Variants in FCHSD2 observed in about 807,000 individuals in gnomAD.
The protein encoded by FCHSD2 is FCH and double SH3 domains 2, also known as F-BAR and double SH3 domains protein 2.
In FCHSD2, 38 loss-of-function variants were observed where a neutral mutation model predicts 108.1. The observed-to-expected ratio is 0.35, with a 90% CI of 0.27 to 0.46. FCHSD2 has a LOEUF of 0.46. FCHSD2 is among the 20% of genes least tolerant of loss of function. The pLI, the probability that FCHSD2 is intolerant of heterozygous loss-of-function variation, is 1.00. For missense variants in FCHSD2, 751 were observed against 897.8 expected (o/e 0.84, Z 2.09); for synonymous variants, 279 against 314.7 (o/e 0.89, Z 1.20).
intron 12 of FCHSD2, among the ~76,000 whole-genome samples, chr11:72,872,497 A>G (rs1036128804): frequency 3.9e-5 from 6 of 152,144 alleles, no homozygotes; most frequent in Non-Finnish European, 7.4e-5. Flanking sequence ...CTTTCTGTCT[A>G]TAAAGATTTG....
chr11:72,987,138 T>C (rs1242029577), intron 6 of FCHSD2, among the ~76,000 whole-genome samples: 1 of 152,180 alleles, frequency 6.6e-6, no homozygotes, highest in Admixed American at 6.5e-5. Context: ...CTTCCTTCTA[T>C]GGTCTCTCCT....
intron 8 of FCHSD2, among the ~76,000 whole-genome samples, chr11:72,967,800 G>C (rs960150192): frequency 6.6e-6 from 1 of 152,000 alleles, no homozygotes; most frequent in Non-Finnish European, 1.5e-5. Context: ...AAAAAGAAGT[G>C]GGCAGAGAGG....
intron 2 of FCHSD2, among the ~76,000 whole-genome samples, chr11:73,099,807 C>A (rs1034477728): frequency 1.3e-5 from 2 of 152,112 alleles, no homozygotes; most frequent in African/African-American, 4.8e-5. Flanking sequence ...AGAAAGAGTG[C>A]GAAGGGAAGC....
At chr11:72,969,880 C>A (rs1293011494) in intron 8 of FCHSD2, among the ~76,000 whole-genome samples, 1 of 152,182 alleles carries the variant, frequency 6.6e-6, no homozygotes, top group African/African-American at 2.4e-5. Flanking sequence ...CAAATACACA[C>A]AAGTGAGACC....
chr11:73,031,512 A>G (rs1858360535), intron 3 of FCHSD2, among the ~76,000 whole-genome samples: 1 of 152,144 alleles, frequency 6.6e-6, no homozygotes, highest in South Asian at 2.1e-4. Context: ...AGCAGTGGTT[A>G]CCAGGAACGG....
At chr11:73,048,090 G>A (rs1249374837) in intron 3 of FCHSD2, among the ~76,000 whole-genome samples, 2 of 151,846 alleles carry the variant, frequency 1.3e-5, no homozygotes, top group African/African-American at 2.4e-5. Flanking sequence ...AATACAGGAG[G>A]AACAAGAAAA....
intron 8 of FCHSD2, among the ~76,000 whole-genome samples, chr11:72,947,526 A>G (rs1043802408): frequency 6.6e-6 from 1 of 152,250 alleles, no homozygotes; most frequent in South Asian, 2.1e-4. Context: ...GAACTAATCA[A>G]CCAGAGTCAC....
intron 16 of FCHSD2, 115 bp from the exon 17 acceptor site, chr11:72,842,956 T>C (rs996747754): frequency 1.1e-6 from 1 of 945,284 alleles, no homozygotes; most frequent in Non-Finnish European, 1.6e-6. Flanking sequence ...AGGATTAAAG[T>C]TGTAATTTTT....
intron 13 of FCHSD2, among the ~76,000 whole-genome samples, chr11:72,866,414 C>T (rs949839435): frequency 2.6e-5 from 4 of 152,052 alleles, no homozygotes; most frequent in Non-Finnish European, 5.9e-5. Context: ...GGATTATGGG[C>T]GTCTGCCACC....
intron 10 of FCHSD2, among the ~76,000 whole-genome samples, chr11:72,900,825 CT>C (rs1392406629): frequency 6.6e-6 from 1 of 152,172 alleles, no homozygotes; most frequent in African/African-American, 2.4e-5. Flanking sequence ...TTCTATTAAA[CT>C]GATACCATTA....
intron 1 of FCHSD2, 108 bp from the exon 2 acceptor site, chr11:73,140,236 G>C: frequency 1.8e-6 from 1 of 561,674 alleles, no homozygotes; most frequent in African/African-American, 1.9e-5. Flanking sequence ...CCTCTCCCCT[G>C]AAGGCCATAA....
At chr11:72,889,397 T>C (rs574155598) in intron 11 of FCHSD2, among the ~76,000 whole-genome samples, 1 of 152,342 alleles carries the variant, frequency 6.6e-6, no homozygotes, top group Non-Finnish European at 1.5e-5. Context: ...ATTAATGTAT[T>C]GCTGATGGAG....
intron 2 of FCHSD2, among the ~76,000 whole-genome samples, chr11:73,118,573 G>C (rs1860658867): frequency 6.6e-6 from 1 of 152,170 alleles, no homozygotes; most frequent in African/African-American, 2.4e-5. Context: ...ACATTGATGT[G>C]TGTATCCATA....
intron 2 of FCHSD2, among the ~76,000 whole-genome samples, chr11:73,118,184 T>C (rs944379515): frequency 2.0e-5 from 3 of 152,052 alleles, no homozygotes; most frequent in African/African-American, 7.2e-5. Flanking sequence ...TAGGGTATGG[T>C]GGCAGGTGCA....
At chr11:73,037,550 G>T (rs1331180542) in intron 3 of FCHSD2, among the ~76,000 whole-genome samples, 1 of 152,034 alleles carries the variant, frequency 6.6e-6, no homozygotes, top group Non-Finnish European at 1.5e-5. Flanking sequence ...CTCTGGTATA[G>T]AATGCATTCT....
intron 3 of FCHSD2, among the ~76,000 whole-genome samples, chr11:73,077,924 T>C (rs1160265805): frequency 6.6e-6 from 1 of 152,210 alleles, no homozygotes; most frequent in East Asian, 1.9e-4. Context: ...AAAGCTATTT[T>C]TTTAAGTCAG....
At chr11:73,125,922 T>C (rs746677663) in intron 2 of FCHSD2, among the ~76,000 whole-genome samples, 34 of 152,148 alleles carry the variant, frequency 2.2e-4, no homozygotes, top group Non-Finnish European at 8.8e-5. Context: ...AATGCAAAAC[T>C]ACATTTCACA....
At position 73,052,811 on chromosome 11, in the gene FCHSD2, C is replaced by A. The variant is rs571783502; in HGVS notation, c.165+30884G>T. The stretch of plus-strand genomic sequence containing the variant: ...AAAGATGCTAATAGCATGAAAAGAT[C>A]AGTTTCTACAGATATTTAGGACATA... On this transcript the variant is annotated intron_variant, in intron 3 of 19. Coordinates refer to ENST00000409418, the MANE Select transcript of FCHSD2 (RefSeq NM_014824.3). Among the ~76,000 whole-genome samples, 14 of 152,152 alleles carry A rather than the reference C, an allele frequency of 9.2e-5. No individual in the cohort carries two copies. The South Asian group carries it at 2.7e-3, about 29-fold the overall frequency.
rs1344461939 is a variant in FCHSD2 at position 73,083,702 on chromosome 11, T to C, written c.158A>G (p.Tyr53Cys). The change falls in exon 3 of 20, where the codon TAT (tyrosine) becomes TGT (cysteine). Residue 53 changes from tyrosine to cysteine, a missense_variant. Physicochemically the swap from Tyr to Cys is radical, Grantham distance 194 (BLOSUM62 -2). Coordinates refer to ENST00000409418, the MANE Select transcript of FCHSD2 (RefSeq NM_014824.3). ...SQKKAAIERE[Y>C]AQGMQKLASQ... ...CTCCAATTTCAAGCTTACCTGTGCA[T>C]ACTCTCTTTCAATAGCAGCCTTCTT... 6.5e-7 allele frequency: 1 copy of C among 1,545,116 alleles called. No individual in the cohort carries two copies. The highest frequency in any genetic ancestry group is 1.4e-5 in the African/African-American group (1 of 72,998).
Sources: gnomAD v4.1 joint callset for allele counts (sites outside exome capture counted in the v4.1 genomes callset) on GRCh38, gnomAD v4.1.1 for gene constraint, MANE v1.5 for transcripts, NCBI Gene and HGNC (gene_info 2026-07-23, HGNC 2026-07-21) for gene names.